Variants in MDN1 observed in about 807,000 individuals in gnomAD.
MDN1 encodes the protein midasin.
Under a neutral mutation model 669.2 loss-of-function variants are expected in MDN1, and 266 were observed. The ratio of observed to expected loss-of-function variants is 0.40; its 90% CI spans 0.36 to 0.44. The LOEUF (loss-of-function observed/expected upper bound fraction) is 0.44. Among genes scored for constraint, MDN1 ranks in the 20% least tolerant of loss-of-function variants. The pLI is 1.00. For synonymous variants in MDN1, 2,385 were observed against 2,457.1 expected, an observed-to-expected ratio of 0.97 and a Z score of 0.87; for missense variants, 5,940 against 6,754.0, an observed-to-expected ratio of 0.88 and a Z score of 4.22.
chr6:89,646,640 T>C (rs1428812816), intron 99 of MDN1, 37 bp from the exon 100 acceptor site: 1 of 1,543,576 alleles, frequency 6.5e-7, no homozygotes, highest in Non-Finnish European at 9.0e-7. Flanking sequence ...TAGAAAACTA[T>C]GTGAATGCTC....
intron 14 of MDN1, 105 bp from the exon 15 acceptor site, chr6:89,771,726 T>G: frequency 1.0e-6 from 1 of 977,562 alleles, no homozygotes; most frequent in East Asian, 2.5e-5. Flanking sequence ...CTTTATTTTT[T>G]GAGACAGAGT....
In MDN1 at chr6:89,723,629, CA is replaced by C; in HGVS notation, c.5671-11del. On this transcript the variant is annotated splice_polypyrimidine_tract_variant and intron_variant, in intron 38 of 101. Transcript: ENST00000369393. ...GGGGATCAACGAAGACCTAGAAATC[CA>C]AAAATAATATGAAGAAATGCCTTTG... The C allele has an allele frequency of 3.4e-6, 5 of 1,460,786 alleles. No homozygotes were observed. Among genetic ancestry groups the C allele is most frequent in the Non-Finnish European group, 3.7e-6 (4 of 1,070,314 alleles). The allele number at this position is 1,460,786 out of a possible 1,614,324, so 90.5% of individuals were successfully genotyped here.
At chr6:89,655,642 G>A (rs1200993998) in intron 92 of MDN1, 122 bp downstream of exon 92, 3 of 886,256 alleles carry the variant, frequency 3.4e-6, no homozygotes, top group Non-Finnish European at 5.1e-6. Flanking sequence ...ATTAAACATT[G>A]TATACATGTA....
At chr6:89,734,683 A>C (rs1182981065) in intron 33 of MDN1, among the ~76,000 whole-genome samples, 3 of 55,010 alleles carry the variant, frequency 5.5e-5, no homozygotes, top group African/African-American at 2.8e-4. Context: ...AAAAAAAAAA[A>C]AAAAAACAAG....
chr6:89,782,463 C>A (rs1334384694), intron 9 of MDN1, among the ~76,000 whole-genome samples: 1 of 151,882 alleles, frequency 6.6e-6, no homozygotes, highest in African/African-American at 2.4e-5. Flanking sequence ...TGGCACACAC[C>A]TGTAGTCAGT....
chr6:89,774,576 T>C (rs1417848635), intron 13 of MDN1, 45 bp downstream of exon 13: 1 of 1,436,052 alleles, frequency 7.0e-7, no homozygotes, highest in Admixed American at 1.7e-5. Flanking sequence ...CTGTCAAGTT[T>C]CTGGAAACCC....
chr6:89,659,394 C>T (rs950460701), intron 88 of MDN1, among the ~76,000 whole-genome samples: 2 of 152,188 alleles, frequency 1.3e-5, no homozygotes, highest in Admixed American at 1.3e-4. Context: ...AAAGTTTTTA[C>T]TGGAACACAG....
intron 7 of MDN1, 29 bp downstream of exon 7, chr6:89,789,751 G>A: frequency 6.4e-7 from 1 of 1,564,088 alleles, no homozygotes. Flanking sequence ...AATATATTAA[G>A]GGACAATGAA....
chr6:89,707,523 C>T (rs2128311080), intron 51 of MDN1, 47 bp from the exon 52 acceptor site: 1 of 1,144,164 alleles, frequency 8.7e-7, no homozygotes. Context: ...CGGTTAATAA[C>T]ATTTTCAATC....
intron 75 of MDN1, among the ~76,000 whole-genome samples, chr6:89,678,062 A>G (rs1811342456): frequency 6.6e-6 from 1 of 152,214 alleles, no homozygotes; most frequent in Non-Finnish European, 1.5e-5. Context: ...TCACGAGGTC[A>G]GGAGATTGAG....
chr6:89,715,681 G>A lies in MDN1; in HGVS notation c.6832C>T (p.Pro2278Ser), dbSNP rs374108399. ...AAATTGGGATTTGGTGTTATCGTGG[G>A]AGTGGATCCATCTATCATTCCTCTC... ...SERGMIDGST[P>S]TITPNPNFRL... The change falls in exon 45 of 102, where the codon CCC becomes TCC. Residue 2278 changes from proline to serine, a missense_variant. Physicochemically the swap from Pro to Ser is moderately conservative, Grantham distance 74 (BLOSUM62 -1). Transcript: ENST00000369393. 1 of 1,611,516 alleles carries A rather than the reference G, an allele frequency of 6.2e-7. No homozygotes were observed.
intron 33 of MDN1, among the ~76,000 whole-genome samples, chr6:89,734,691 A>AAAAAAACGAG (rs1554188774): frequency 8.8e-6 from 1 of 112,996 alleles, no homozygotes; most frequent in Non-Finnish European, 1.7e-5. Context: ...AAAAAAAAAC[A>AAAAAAACGAG]AGAGAGAGAG....
chr6:89,644,852 T>C (rs972836973), intron 101 of MDN1, among the ~76,000 whole-genome samples, 163 bp downstream of exon 101: 7 of 152,186 alleles, frequency 4.6e-5, no homozygotes, highest in Admixed American at 6.5e-5. Context: ...CAAAGATTAA[T>C]AGAGAAAATA....
At chr6:89,805,106 T>C (rs980274085) in intron 1 of MDN1, among the ~76,000 whole-genome samples, 25 of 149,166 alleles carry the variant, frequency 1.7e-4, no homozygotes, top group Non-Finnish European at 3.0e-4. Flanking sequence ...AAAGGAAAAC[T>C]GAAAACTGTA....
chr6:89,723,876 G>A (rs1451915747), intron 38 of MDN1, among the ~76,000 whole-genome samples: 1 of 152,146 alleles, frequency 6.6e-6, no homozygotes, highest in Admixed American at 6.5e-5. Context: ...CCAGTGCGGT[G>A]GCTCACACCT....
intron 86 of MDN1, among the ~76,000 whole-genome samples, chr6:89,662,591 A>C (rs1809877528): frequency 6.6e-6 from 1 of 152,168 alleles, no homozygotes; most frequent in African/African-American, 2.4e-5. Flanking sequence ...CTCCTTCATA[A>C]CACATGGGAT....
intron 86 of MDN1, 69 bp downstream of exon 86, chr6:89,662,723 G>A: frequency 6.7e-7 from 1 of 1,498,218 alleles, no homozygotes; most frequent in Non-Finnish European, 9.1e-7. Flanking sequence ...GTAAATGACA[G>A]AGAATGGTAG....
At chr6:89,700,354 T>G in intron 56 of MDN1, 60 bp from the exon 57 acceptor site, 1 of 1,344,382 alleles carries the variant, frequency 7.4e-7, no homozygotes, top group Non-Finnish European at 1.1e-6. Flanking sequence ...GCCTCTAGAT[T>G]CTCAACAACC....
In MDN1 at chr6:89,644,120, T is replaced by A; in HGVS notation, c.16676A>T (p.Glu5559Val). ...GATATAGTATGGGAATGGGAACTCT[T>A]CCATGTAGGATCGGATTTCAGGCAT... ...GEMPEIRSYM[E>V]EFPFPYYIIL... Residue 5559 changes from glutamate (E) to valine (V), a missense_variant, in exon 102 of 102, where the codon GAA becomes GTA. Glu to Val is a moderately radical substitution (Grantham distance 121, BLOSUM62 -2). Coordinates refer to ENST00000369393, the MANE Select transcript of MDN1 (RefSeq NM_014611.3). The A allele has an allele frequency of 1.2e-6, 2 of 1,614,106 alleles. No homozygotes were observed. The highest frequency in any genetic ancestry group is 1.7e-6 in the Non-Finnish European group (2 of 1,179,970).
Sources: allele counts gnomAD v4.1 joint callset (sites outside exome capture counted in the v4.1 genomes callset), GRCh38; gene constraint gnomAD v4.1.1; transcripts MANE v1.5; gene names NCBI Gene and HGNC (gene_info 2026-07-23, HGNC 2026-07-21).